ASB15: variants seen among roughly 807,000 people sequenced by gnomAD.
ASB15 encodes the protein ankyrin repeat and SOCS box containing 15, also known as ankyrin repeat and SOCS box protein 15.
A neutral mutation model predicts 58.0 loss-of-function variants in ASB15; 54 were observed. The observed-to-expected ratio is 0.93, with a 90% CI of 0.75 to 1.17. ASB15 has a LOEUF of 1.17. Ranked by LOEUF, ASB15 falls within the 50% of genes most tolerant of loss-of-function variation. The pLI is 0.00. For synonymous variants in ASB15, 249 were observed against 262.4 expected, an observed-to-expected ratio of 0.95 and a Z score of 0.50; for missense variants, 680 against 707.4, an observed-to-expected ratio of 0.96 and a Z score of 0.44.
upstream of ASB15, among the ~76,000 whole-genome samples, chr7:123,599,720 A>G (rs1799810994): frequency 6.6e-6 from 1 of 152,214 alleles, no homozygotes; most frequent in Non-Finnish European, 1.5e-5. Flanking sequence ...CTTTCATATC[A>G]GTTGCTATAA....
chr7:123,616,544 T>A, intron 6 of ASB15, 49 bp downstream of exon 6: 1 of 1,554,022 alleles, frequency 6.4e-7, no homozygotes, highest in Middle Eastern at 2.1e-4. Context: ...AGAATGTTGA[T>A]ATGTTGATGT....
At position 123,618,782 on chromosome 7, in the gene ASB15, C is replaced by A. The variant is rs535576498; in HGVS notation, c.451+1045C>A. Among the ~76,000 whole-genome samples the A allele has an allele frequency of 1.2e-3, 186 of 152,152 alleles. 1 individual carries two copies. The highest frequency in any genetic ancestry group is 5.3e-3 in the Admixed American group (81 of 15,284). ...TTAAACAACCTTAATATTAAGAAAA[C>A]CTGAATATTGTTAAGCAAACTTGGA... On this transcript the variant is annotated intron_variant, in intron 7 of 11. Transcript: ENST00000451215.
chr7:123,574,707 A>T (rs886197905), intron 1 of ASB15, among the ~76,000 whole-genome samples: 3 of 152,086 alleles, frequency 2.0e-5, no homozygotes, highest in African/African-American at 7.2e-5. Flanking sequence ...TCTTACAGCT[A>T]ATTCCTTAAC....
chr7:123,631,762 T>C (rs779956736), intron 11 of ASB15, among the ~76,000 whole-genome samples: 46 of 151,960 alleles, frequency 3.0e-4, no homozygotes, highest in Non-Finnish European at 3.7e-4. Context: ...TTCTAAAAAG[T>C]CAAGAAAACT....
At chr7:123,617,250 C>CA (rs34900171) in intron 6 of ASB15, among the ~76,000 whole-genome samples, 1 of 151,882 alleles carries the variant, frequency 6.6e-6, no homozygotes, top group Non-Finnish European at 1.5e-5. Flanking sequence ...TTTCATTTCA[C>CA]AAAAAAACAA....
At chr7:123,636,482 C>T (rs1584830293) in intron 11 of ASB15, among the ~76,000 whole-genome samples, 2 of 152,186 alleles carry the variant, frequency 1.3e-5, no homozygotes, top group Non-Finnish European at 1.5e-5. Flanking sequence ...TAATACTTAG[C>T]TCTAAAAAAT....
Position 123,624,689 on chromosome 7 carries a change from A to T in ASB15, c.572A>T (p.Asp191Val). ...MHEAAKQGRK[D>V]IVALLLKHGG... ...GAAGCAGCCAAGCAAGGCCGAAAAGATATCGTAGCTCTGCTGCTGAAACAT... is the reference window on the plus strand; with the variant it reads ...GAAGCAGCCAAGCAAGGCCGAAAAGTTATCGTAGCTCTGCTGCTGAAACAT... Residue 191 changes from aspartate to valine, a missense_variant, in exon 8 of 12, where the codon GAT (aspartate) becomes GTT (valine). By Grantham distance (152) the Asp-to-Val change is radical. Transcript: ENST00000451215. The T allele has an allele frequency of 6.2e-7, 1 of 1,614,198 alleles. No individual in the cohort carries two copies. Among genetic ancestry groups the T allele is most frequent in the East Asian group, 2.2e-5 (1 of 44,874 alleles).
At chr7:123,588,577 CCCTT>C (rs1314363962) in intron 1 of ASB15, among the ~76,000 whole-genome samples, 1 of 143,616 alleles carries the variant, frequency 7.0e-6, no homozygotes, top group Non-Finnish European at 1.5e-5. Flanking sequence ...CTTCCTTCCT[CCCTT>C]CCTTCCTTCC....
At chr7:123,636,680 C>A in intron 11 of ASB15, 129 bp from the exon 12 acceptor site, 1 of 723,546 alleles carries the variant, frequency 1.4e-6, no homozygotes, top group Admixed American at 2.9e-5. Flanking sequence ...CACTTAAAAT[C>A]ACCAGTTGCT....
chr7:123,633,997 C>T (rs1802278000), intron 11 of ASB15, among the ~76,000 whole-genome samples: 1 of 152,160 alleles, frequency 6.6e-6, no homozygotes, highest in African/African-American at 2.4e-5. Flanking sequence ...TGAAGCCAAT[C>T]TATTTAAATA....
At chr7:123,620,862 C>T (rs906908002) in intron 7 of ASB15, among the ~76,000 whole-genome samples, 3 of 151,534 alleles carry the variant, frequency 2.0e-5, no homozygotes, top group Non-Finnish European at 2.9e-5. Flanking sequence ...GTGCCTGGCC[C>T]GTGACCTATA....
intron 1 of ASB15, among the ~76,000 whole-genome samples, chr7:123,570,960 T>A (rs1291206891): frequency 6.6e-6 from 1 of 152,216 alleles, no homozygotes; most frequent in East Asian, 1.9e-4. Context: ...TCTGGAACTA[T>A]GCCAATATTT....
intron 1 of ASB15, among the ~76,000 whole-genome samples, chr7:123,570,639 G>A (rs1022880899): frequency 5.3e-5 from 8 of 152,152 alleles, no homozygotes; most frequent in Admixed American, 1.3e-4. Context: ...ACAAATTATA[G>A]GCCTTAGCAG....
chr7:123,607,055 C>T (rs1488659605), intron 2 of ASB15, among the ~76,000 whole-genome samples: 1 of 152,006 alleles, frequency 6.6e-6, no homozygotes, highest in African/African-American at 2.4e-5. Flanking sequence ...GCTATACCCC[C>T]AAAAAAGATA....
At chr7:123,607,808 CAGA>C (rs1054464117) in intron 2 of ASB15, among the ~76,000 whole-genome samples, 5 of 152,186 alleles carry the variant, frequency 3.3e-5, no homozygotes, top group African/African-American at 1.2e-4. Context: ...CATAGAATTA[CAGA>C]AGAAGGATAG....
rs540326318 is a variant in ASB15, at chr7:123,638,066, C to G, written c.*1085C>G. On this transcript the variant is annotated 3_prime_UTR_variant, in exon 12 of 12. Coordinates refer to ENST00000451215, the MANE Select transcript of ASB15 (RefSeq NM_001290258.2). ...CATCTTCCACTCAGCAGCCCCCCAC[C>G]ACCCACCCCGCATTTGGCCCTAAGT... 1.3e-5 allele frequency: 2 copies of G among 152,006 alleles called. No individual in the cohort carries two copies. Among genetic ancestry groups the G allele is most frequent in the Non-Finnish European group, 2.9e-5 (2 of 68,080 alleles). The allele number at this position is 152,006 out of a possible 1,614,324, so 9.4% of individuals were successfully genotyped here. A position where few individuals can be genotyped will look rare whatever the true frequency, so the allele number is the denominator to read the frequency against.
chr7:123,603,969 C>G (rs962159390), intron 1 of ASB15, 63 bp from the exon 2 acceptor site: 3 of 152,166 alleles, frequency 2.0e-5, no homozygotes, highest in Admixed American at 2.0e-4. Flanking sequence ...TGTTGTGTTG[C>G]CTTCAGAGCC....
intron 7 of ASB15, among the ~76,000 whole-genome samples, chr7:123,623,977 AAGAAAGAAAGAAAGAAAG>A (rs1312426136): frequency 3.5e-5 from 5 of 144,352 alleles, no homozygotes; most frequent in Admixed American, 6.9e-5. Context: ...GAAAGAAAGA[AAGAAAGAAAGAAAGAAAG>A]AGAAAGGAAA....
At chr7:123,577,909 AT>A (rs1481853519) in intron 1 of ASB15, among the ~76,000 whole-genome samples, 1 of 151,984 alleles carries the variant, frequency 6.6e-6, no homozygotes, top group Admixed American at 6.6e-5. Flanking sequence ...TTTAAAAATT[AT>A]ACTTTAAGTT....
Sources: allele counts gnomAD v4.1 joint callset (sites outside exome capture counted in the v4.1 genomes callset), GRCh38; gene constraint gnomAD v4.1.1; transcripts MANE v1.5; gene names NCBI Gene and HGNC (gene_info 2026-07-23, HGNC 2026-07-21).